Variants in LRRC7 observed in about 807,000 individuals in gnomAD.
LRRC7 encodes the protein leucine rich repeat containing 7.
In LRRC7, 23 loss-of-function variants were observed where a neutral mutation model predicts 175.7. That is an observed-to-expected ratio of 0.13 (90% CI 0.09 to 0.19). The LOEUF (loss-of-function observed/expected upper bound fraction) is 0.19, where lower values mean the gene tolerates loss of function less well. Among genes scored for constraint, LRRC7 ranks in the 10% least tolerant of loss-of-function variants. The probability of loss-of-function intolerance (pLI) is 1.00; values close to 1 mark genes in which losing one functional copy is unlikely to be tolerated. For missense variants in LRRC7, 1,354 were observed against 1,904.7 expected (o/e 0.71, Z 5.38); for synonymous variants, 685 against 680.9 (o/e 1.01, Z -0.09).
chr1:69,945,560 G>A (rs889298500), intron 8 of LRRC7, among the ~76,000 whole-genome samples: 2 of 151,980 alleles, frequency 1.3e-5, no homozygotes, highest in Non-Finnish European at 2.9e-5. Flanking sequence ...TTTGTATGGG[G>A]ATTGCATTAA....
chr1:70,070,112 G>C (rs1571234146), intron 23 of LRRC7, among the ~76,000 whole-genome samples: 1 of 152,190 alleles, frequency 6.6e-6, no homozygotes, highest in Non-Finnish European at 1.5e-5. Flanking sequence ...TCCCACCTCA[G>C]CCTCCCGAGT....
At chr1:69,802,144 C>G (rs1168459904) in intron 4 of LRRC7, among the ~76,000 whole-genome samples, 4 of 151,292 alleles carry the variant, frequency 2.6e-5, no homozygotes, top group Non-Finnish European at 4.4e-5. Flanking sequence ...GTCATATGGT[C>G]TATCTATATT....
intron 21 of LRRC7, among the ~76,000 whole-genome samples, chr1:70,042,601 ACTGC>A (rs1453022551): frequency 6.6e-6 from 1 of 152,184 alleles, no homozygotes. Context: ...CCATGCTTTC[ACTGC>A]AGAGCCACAC....
intron 4 of LRRC7, among the ~76,000 whole-genome samples, chr1:69,808,870 A>G (rs906838250): frequency 1.3e-5 from 2 of 152,144 alleles, no homozygotes. Flanking sequence ...AGCAAGAGCA[A>G]GCAAATTCAA....
intron 10 of LRRC7, among the ~76,000 whole-genome samples, chr1:69,991,414 A>G (rs1193408663): frequency 6.6e-6 from 1 of 152,156 alleles, no homozygotes; most frequent in East Asian, 1.9e-4. Flanking sequence ...CTGTTGTAGT[A>G]GCTTACTCCT....
At position 69,819,262 on chromosome 1, in the gene LRRC7, AT is replaced by A. The variant is rs753615798; in HGVS notation, c.422-6477del. 1.8e-3 allele frequency among the ~76,000 whole-genome samples: 268 copies of A among 150,026 alleles called. 1 individual carries two copies. The highest frequency in any genetic ancestry group is 6.3e-3 in the African/African-American group (258 of 41,028). On this transcript the variant is annotated intron_variant, in intron 4 of 26. Transcript: ENST00000651989. Reference sequence around the variant, plus strand: ...ATAAGTTTTGGTATGTTGTATTTCTATTTTTTTTTGTATCAAGATTTTCTTT... The same window carrying A: ...ATAAGTTTTGGTATGTTGTATTTCTATTTTTTTTGTATCAAGATTTTCTTT...
intron 1 of LRRC7, among the ~76,000 whole-genome samples, chr1:69,637,713 A>G (rs1653612806): frequency 6.6e-6 from 1 of 151,944 alleles, no homozygotes; most frequent in African/African-American, 2.4e-5. Context: ...GCTTTACCTT[A>G]TGTAATCCAT....
At chr1:69,669,530 A>C (rs573562421) in intron 1 of LRRC7, among the ~76,000 whole-genome samples, 19 of 152,288 alleles carry the variant, frequency 1.2e-4, no homozygotes, top group African/African-American at 4.6e-4. Context: ...GAGTTTGATT[A>C]TTAAATGAAC....
chr1:70,010,649 T>A (rs1251864351), intron 11 of LRRC7, among the ~76,000 whole-genome samples: 1 of 152,224 alleles, frequency 6.6e-6, no homozygotes, highest in Admixed American at 6.6e-5. Flanking sequence ...TGGTAGAATC[T>A]TCACCCCTGG....
At chr1:69,570,604 G>T (rs765860665) in intron 1 of LRRC7, among the ~76,000 whole-genome samples, 9 of 152,138 alleles carry the variant, frequency 5.9e-5, no homozygotes, top group Non-Finnish European at 1.2e-4. Context: ...TCACGCCTCC[G>T]TCCAGGCTTC....
chr1:69,939,552 A>C (rs867990452), intron 8 of LRRC7, among the ~76,000 whole-genome samples: 12 of 152,224 alleles, frequency 7.9e-5, no homozygotes, highest in Middle Eastern at 6.8e-3. Context: ...TCAAAATGGC[A>C]GTGTGGCTAA....
rs144846455 is a variant in LRRC7 at position 69,682,428 on chromosome 1, C to A, written c.100+3950C>A. 1.9e-3 allele frequency among the ~76,000 whole-genome samples: 295 copies of A among 152,228 alleles called. 1 individual carries two copies. The highest frequency in any genetic ancestry group is 6.6e-3 in the African/African-American group (275 of 41,556). On this transcript the variant is annotated intron_variant, in intron 2 of 26. Transcript: ENST00000651989. ...ATCATGGGGCCATCTTAGAAGTCAA[C>A]CTATCATTTGCTAATCCATCAAGCA...
At chr1:70,114,607 A>G (rs1474744253) in intron 26 of LRRC7, among the ~76,000 whole-genome samples, 1 of 152,114 alleles carries the variant, frequency 6.6e-6, no homozygotes. Flanking sequence ...AGGATCCTTC[A>G]AGCCCAGGAG....
intron 8 of LRRC7, among the ~76,000 whole-genome samples, chr1:69,946,234 G>C (rs903016240): frequency 2.6e-5 from 4 of 152,116 alleles, no homozygotes; most frequent in African/African-American, 9.7e-5. Context: ...AAGATGATCA[G>C]ATTATTTTTA....
Position 69,819,454 on chromosome 1 carries a change from AT to A in LRRC7, c.422-6288del, listed in dbSNP as rs537294995. 1.1e-4 allele frequency among the ~76,000 whole-genome samples: 17 copies of A among 151,652 alleles called. No homozygotes were observed. The East Asian group carries it at 2.5e-3, about 23-fold the overall frequency. On this transcript the variant is annotated intron_variant, in intron 4 of 26. Coordinates refer to ENST00000651989, the MANE Select transcript of LRRC7 (RefSeq NM_001370785.2). The stretch of plus-strand genomic sequence containing the variant: ...CTTGATATTATTTCAGTCTTTGTAA[AT>A]TTTTTAAGACTTATTTTGTGGCCTT...
intron 2 of LRRC7, among the ~76,000 whole-genome samples, chr1:69,718,558 GATCT>G (rs1341098481): frequency 4.6e-5 from 7 of 151,738 alleles, no homozygotes; most frequent in African/African-American, 1.4e-4. Flanking sequence ...AGCATGGGTT[GATCT>G]ATTTGAATAG....
chr1:69,853,072 A>G (rs1372485817), intron 7 of LRRC7, among the ~76,000 whole-genome samples: 1 of 152,100 alleles, frequency 6.6e-6, no homozygotes, highest in Non-Finnish European at 1.5e-5. Flanking sequence ...TGATGCCCAA[A>G]TGCAGCTACT....
At chr1:69,705,260 G>T (rs1663889130) in intron 2 of LRRC7, among the ~76,000 whole-genome samples, 2 of 152,024 alleles carry the variant, frequency 1.3e-5, no homozygotes, top group African/African-American at 2.4e-5. Flanking sequence ...CTTTGTTCCA[G>T]AATTTAGAAA....
rs1238950909 is a variant in LRRC7, at chr1:69,825,785, G to A, written c.459G>A (p.Lys153=). Residue 153 remains lysine (K), a synonymous_variant, in exon 5 of 27, where the codon AAG becomes AAA. Transcript: ENST00000651989. ...QEFPENIKCC[K]CLTIIEASVN... is the part of the protein sequence containing the mutation. ...TTCCAGAAAACATAAAGTGCTGTAAGTGTTTAACAATTATTGAAGCCAGTG... is the reference window on the plus strand; with the variant it reads ...TTCCAGAAAACATAAAGTGCTGTAAATGTTTAACAATTATTGAAGCCAGTG... The A allele has an allele frequency of 1.2e-6, 2 of 1,606,196 alleles. No individual in the cohort carries two copies. The highest frequency in any genetic ancestry group is 1.3e-5 in the African/African-American group (1 of 74,780).
Sources: allele counts gnomAD v4.1 joint callset (sites outside exome capture counted in the v4.1 genomes callset), GRCh38; gene constraint gnomAD v4.1.1; transcripts MANE v1.5; gene names NCBI Gene and HGNC (gene_info 2026-07-23, HGNC 2026-07-21).